The following EXD3 variants were observed in gnomAD, a reference collection of about 807,000 sequenced individuals.
EXD3 encodes exonuclease 3'-5' domain containing 3.
Under a neutral mutation model 98.0 loss-of-function variants are expected in EXD3, and 92 were observed. The ratio of observed to expected loss-of-function variants is 0.94; its 90% CI spans 0.79 to 1.12. The LOEUF (loss-of-function observed/expected upper bound fraction) is 1.12, where lower values mean the gene tolerates loss of function less well. Among genes scored for constraint, EXD3 ranks in the 50% most tolerant of loss-of-function variants. The probability of loss-of-function intolerance (pLI) is 0.00; values close to 1 mark genes in which losing one functional copy is unlikely to be tolerated. For synonymous variants in EXD3, 569 were observed against 526.0 expected, an observed-to-expected ratio of 1.08 and a Z score of -1.12; for missense variants, 1,222 against 1,191.6, an observed-to-expected ratio of 1.03 and a Z score of -0.38.
At chr9:137,379,455 T>G (rs1381187064) in intron 3 of EXD3, among the ~76,000 whole-genome samples, 1 of 56,242 alleles carries the variant, frequency 1.8e-5, no homozygotes, top group African/African-American at 7.7e-5. Flanking sequence ...CTGAGGGGAA[T>G]GGGGCGTCTG....
intron 2 of EXD3, among the ~76,000 whole-genome samples, chr9:137,388,057 G>A (rs530625463): frequency 6.6e-6 from 1 of 152,314 alleles, no homozygotes; most frequent in Admixed American, 6.5e-5. Flanking sequence ...TGTGTATTAG[G>A]AGGACACCTA....
intron 4 of EXD3, 90 bp from the exon 5 acceptor site, chr9:137,373,162 C>T (rs1472823492): frequency 1.1e-5 from 16 of 1,418,554 alleles, no homozygotes; most frequent in South Asian, 9.5e-5. Flanking sequence ...TAGGAAGCAG[C>T]GCCTGCCACT....
intron 6 of EXD3, 191 bp downstream of exon 6, chr9:137,367,745 G>A (rs932530126): frequency 1.3e-4 from 73 of 572,104 alleles, no homozygotes; most frequent in South Asian, 1.1e-3. Flanking sequence ...GTGCGGCTGC[G>A]TCTGATTTGG....
intron 1 of EXD3, among the ~76,000 whole-genome samples, chr9:137,416,597 C>T (rs1391577812): frequency 6.6e-6 from 1 of 152,120 alleles, no homozygotes; most frequent in East Asian, 1.9e-4. Context: ...GTCCTCTCCA[C>T]CCAGGACCCT....
chr9:137,354,237 G>A (rs1197292096), intron 10 of EXD3, 102 bp downstream of exon 10: 1 of 1,527,688 alleles, frequency 6.5e-7, no homozygotes, highest in East Asian at 2.4e-5. Flanking sequence ...CCCCAGCGAA[G>A]GCCTCAGCTC....
intron 7 of EXD3, 38 bp from the exon 8 acceptor site, chr9:137,356,406 T>C (rs1368492383): frequency 7.7e-7 from 1 of 1,291,446 alleles, no homozygotes; most frequent in Non-Finnish European, 1.1e-6. Flanking sequence ...GTTGCTGTTT[T>C]AAGTTAATAC....
rs893934466 is a variant in EXD3 at position 137,385,079 on chromosome 9, G to A, written c.56-1702C>T. 6.6e-6 allele frequency among the ~76,000 whole-genome samples: 1 copy of A among 152,164 alleles called. No individual in the cohort carries two copies. The highest frequency in any genetic ancestry group is 1.5e-5 in the Non-Finnish European group (1 of 68,030). On this transcript the variant is annotated intron_variant, in intron 2 of 21. Coordinates refer to ENST00000340951, the MANE Select transcript of EXD3 (RefSeq NM_017820.5). This position sits in a 1 kb window ranked among gnomAD's most constrained non-coding sequence, Gnocchi z 4.4. ...TGCACTCCAGCCTGGGCAACAGAGC[G>A]AGACTCCGTCTCAGACAAAAACCAA...
intron 19 of EXD3, among the ~76,000 whole-genome samples, chr9:137,315,849 C>T (rs1831619960): frequency 6.6e-6 from 1 of 151,728 alleles, no homozygotes; most frequent in South Asian, 2.1e-4. Flanking sequence ...TGGGTCAAAC[C>T]AAACAGAAGC....
rs568363902 is a variant in EXD3, at chr9:137,366,763, C to T, written c.517-131G>A. ...CAGAGGCCGTCCAGGCCCAGCAGTGCTCGCCCGGCCAGTGCTCACGCTCAC... is the reference window on the plus strand; with the variant it reads ...CAGAGGCCGTCCAGGCCCAGCAGTGTTCGCCCGGCCAGTGCTCACGCTCAC... On this transcript the variant is annotated intron_variant, in intron 6 of 21. Transcript: ENST00000340951. 1.8e-5 allele frequency: 21 copies of T among 1,185,986 alleles called. No individual in the cohort carries two copies. The African/African-American group carries it at 3.1e-4, about 17-fold the overall frequency. The allele number at this position is 1,185,986 out of a possible 1,614,324, so 73.5% of individuals were successfully genotyped here. A position where few individuals can be genotyped will look rare whatever the true frequency, so the allele number is the denominator to read the frequency against.
chr9:137,317,883 G>C (rs1187147806), intron 19 of EXD3, among the ~76,000 whole-genome samples: 2 of 152,192 alleles, frequency 1.3e-5, no homozygotes, highest in African/African-American at 4.8e-5. Flanking sequence ...CGCCACCTTA[G>C]GAGCAGGGAG....
rs750065096 is a variant in EXD3 at position 137,307,260 on chromosome 9, G to A, written c.2321C>T (p.Pro774Leu). 2.0e-6 allele frequency: 3 copies of A among 1,511,708 alleles called. No homozygotes were observed. The highest frequency in any genetic ancestry group is 2.4e-5 in the East Asian group (1 of 41,702). The allele number at this position is 1,511,708 out of a possible 1,614,324, so 93.6% of individuals were successfully genotyped here. The change falls in exon 22 of 22, where the codon CCA (proline) becomes CTA (leucine). Residue 774 changes from proline to leucine, a missense_variant. By Grantham distance (98) the Pro-to-Leu change is moderately conservative. Coordinates refer to ENST00000340951, the MANE Select transcript of EXD3 (RefSeq NM_017820.5). ...GCCCTCAGGGGCTGCGTCTGGGGCT[G>A]GGCCTGGACAGATAGAAGTGGACTC... ...TQSQAVQEPG[P>L]APDAAPEGCT...
At chr9:137,358,272 G>A (rs1361851198) in intron 7 of EXD3, among the ~76,000 whole-genome samples, 1 of 152,208 alleles carries the variant, frequency 6.6e-6, no homozygotes, top group African/African-American at 2.4e-5. Flanking sequence ...AGCCCTGGAA[G>A]GCCAGAGGTG....
chr9:137,395,232 C>A lies in EXD3; in HGVS notation c.55+71G>T. On this transcript the variant is annotated intron_variant, in intron 2 of 21. Coordinates refer to ENST00000340951, the MANE Select transcript of EXD3 (RefSeq NM_017820.5). This position sits in a 1 kb window ranked among gnomAD's most constrained non-coding sequence, Gnocchi z 6.5. Reference sequence around the variant, plus strand: ...ACTGAGTACACAGTGGGCGCCACCACCCCCCATGCACACCCACGCACCTCC... The same window carrying A: ...ACTGAGTACACAGTGGGCGCCACCAACCCCCATGCACACCCACGCACCTCC... 1.5e-6 allele frequency: 2 copies of A among 1,338,724 alleles called. No homozygotes were observed. Among genetic ancestry groups the A allele is most frequent in the South Asian group, 1.2e-5 (1 of 85,742 alleles). The allele number at this position is 1,338,724 out of a possible 1,614,324, so 82.9% of individuals were successfully genotyped here.
At position 137,310,670 on chromosome 9, in the gene EXD3, C is replaced by A. The variant is rs539027319; in HGVS notation, c.2185-970G>T. 5.9e-5 allele frequency among the ~76,000 whole-genome samples: 9 copies of A among 152,298 alleles called. No individual in the cohort carries two copies. In the South Asian group the frequency reaches 1.9e-3, roughly 32 times the overall value. Reference sequence around the variant, plus strand: ...GCACGGCCTTCCCAGTGGTCACTTCCTGGACAAAGAGACGGGTCAGATACC... The same window carrying A: ...GCACGGCCTTCCCAGTGGTCACTTCATGGACAAAGAGACGGGTCAGATACC... On this transcript the variant is annotated intron_variant, in intron 19 of 21. Transcript: ENST00000340951.
At chr9:137,351,634 C>T (rs117448792) in intron 12 of EXD3, 106 bp from the exon 13 acceptor site, 30 of 1,030,838 alleles carry the variant, frequency 2.9e-5, no homozygotes, top group East Asian at 1.8e-4. Context: ...TTCGGGGAGA[C>T]GCCCCTGCAC....
At position 137,307,153 on chromosome 9, in the gene EXD3, G is replaced by A. The variant is rs377386003; in HGVS notation, c.2428C>T (p.Arg810Trp). 1.7e-5 allele frequency: 27 copies of A among 1,591,518 alleles called. No homozygotes were observed. The highest frequency in any genetic ancestry group is 5.6e-5 in the South Asian group (5 of 88,544). ...ACCGGGACCCCTGCCAGCTGCAGCCGGGTGCCGTCGGCCAGCATGTCCGGT... is the reference window on the plus strand; with the variant it reads ...ACCGGGACCCCTGCCAGCTGCAGCCAGGTGCCGTCGGCCAGCATGTCCGGT... ...ETPDMLADGTRLQLAGVPVGV... is the reference protein window; with the variant it reads ...ETPDMLADGTWLQLAGVPVGV... The change falls in exon 22 of 22, where the codon CGG (arginine) becomes TGG (tryptophan). Residue 810 changes from arginine to tryptophan, a missense_variant. Arg to Trp is a moderately radical substitution (Grantham distance 101). Transcript: ENST00000340951.
Position 137,352,218 on chromosome 9 carries a change from T to A in EXD3, c.1038-17A>T. 1 of 1,612,236 alleles carries A rather than the reference T, an allele frequency of 6.2e-7. No homozygotes were observed. The highest frequency in any genetic ancestry group is 1.1e-5 in the South Asian group (1 of 91,074). On this transcript the variant is annotated splice_polypyrimidine_tract_variant and intron_variant, in intron 11 of 21. Transcript: ENST00000340951. ...TCAGTCGCCCTGGGAGGAGCAGAGC[T>A]GGTAGCGCCCCCATGTCCCTGGTCC...
chr9:137,348,357 T>C, intron 16 of EXD3, 119 bp from the exon 17 acceptor site: 5 of 1,167,746 alleles, frequency 4.3e-6, no homozygotes, highest in Non-Finnish European at 5.9e-6. Context: ...CTTCAAAAGA[T>C]AAAACTGTGT....
Position 137,405,371 on chromosome 9 carries a change from G to A in EXD3, c.-47-9967C>T, listed in dbSNP as rs537682043. Among the ~76,000 whole-genome samples, 1 of 152,352 alleles carries A rather than the reference G, an allele frequency of 6.6e-6. No individual in the cohort carries two copies. The highest frequency in any genetic ancestry group is 2.4e-5 in the African/African-American group (1 of 41,590). On this transcript the variant is annotated intron_variant, in intron 1 of 21. Transcript: ENST00000340951. The surrounding 1 kb of genome is among the most constrained non-coding windows in gnomAD (Gnocchi z 4.1). Reference sequence around the variant, plus strand: ...GACCCCTGGACCACAGGACCAACGGGGGCAGGGTGGGCCCCCCACACAGGT... The same window carrying A: ...GACCCCTGGACCACAGGACCAACGGAGGCAGGGTGGGCCCCCCACACAGGT...
Sources: allele counts gnomAD v4.1 joint callset (sites outside exome capture counted in the v4.1 genomes callset), GRCh38; gene constraint gnomAD v4.1.1; non-coding constraint Gnocchi (gnomAD v3.1); transcripts MANE v1.5; gene names NCBI Gene and HGNC (gene_info 2026-07-23, HGNC 2026-07-21).